The following SETDB2 variants were observed in gnomAD, a reference collection of about 807,000 sequenced individuals.
SETDB2 encodes SET domain bifurcated histone lysine methyltransferase 2.
Under a neutral mutation model 82.5 loss-of-function variants are expected in SETDB2, and 56 were observed. The ratio of observed to expected loss-of-function variants is 0.68; its 90% CI spans 0.55 to 0.85. SETDB2 has a LOEUF of 0.85. Ranked by LOEUF, SETDB2 falls within the 40% of genes least tolerant of loss-of-function variation. The pLI is 0.00. For missense variants in SETDB2, 677 were observed against 816.4 expected (o/e 0.83, Z 2.08); for synonymous variants, 272 against 284.9 (o/e 0.95, Z 0.46).
chr13:49,462,288 C>A (rs193026175), intron 4 of SETDB2, among the ~76,000 whole-genome samples: 46 of 152,350 alleles, frequency 3.0e-4, no homozygotes, highest in African/African-American at 1.1e-3. Flanking sequence ...CTTGGTCTTT[C>A]TGACAACCAG....
At chr13:49,464,771 G>A (rs112480015) in intron 4 of SETDB2, among the ~76,000 whole-genome samples, 10 of 152,172 alleles carry the variant, frequency 6.6e-5, no homozygotes, top group African/African-American at 2.4e-4. Flanking sequence ...GGTAATAAAG[G>A]TTCATGTGGG....
chr13:49,450,297 CTG>C (rs1339106446), intron 1 of SETDB2, among the ~76,000 whole-genome samples: 1 of 152,138 alleles, frequency 6.6e-6, no homozygotes, highest in Non-Finnish European at 1.5e-5. Context: ...TTTCCTTGCT[CTG>C]TGTTCTTGGT....
chr13:49,460,825 G>A (rs1957978255), intron 3 of SETDB2, among the ~76,000 whole-genome samples: 1 of 152,052 alleles, frequency 6.6e-6, no homozygotes, highest in African/African-American at 2.4e-5. Context: ...AAAAAAATTG[G>A]CACTGTTTTT....
At chr13:49,468,608 CTTCT>C (rs1958163453) in intron 5 of SETDB2, among the ~76,000 whole-genome samples, 1 of 151,126 alleles carries the variant, frequency 6.6e-6, no homozygotes, top group African/African-American at 2.4e-5. Context: ...TAGAAAGAAA[CTTCT>C]TTGTTACCCT....
rs1958723684 is a variant in SETDB2, at chr13:49,492,061, G to A, written c.*212G>A. ...CATAGGGTATCTTGTTCACTGCTGTGCTACTTTACATGAGTAGGATGGAAG... is the reference window on the plus strand; with the variant it reads ...CATAGGGTATCTTGTTCACTGCTGTACTACTTTACATGAGTAGGATGGAAG... On this transcript the variant is annotated 3_prime_UTR_variant, in exon 14 of 14. Transcript: ENST00000611815. 2 of 535,486 alleles carry A rather than the reference G, an allele frequency of 3.7e-6. No homozygotes were observed. The highest frequency in any genetic ancestry group is 6.8e-6 in the Non-Finnish European group (2 of 294,434). 33.2% of individuals were successfully genotyped at this position (535,486 alleles called of 1,614,324 possible). A position where few individuals can be genotyped will look rare whatever the true frequency, so the allele number is the denominator to read the frequency against.
At chr13:49,471,616 T>G (rs1235101570) in intron 5 of SETDB2, among the ~76,000 whole-genome samples, 1 of 151,938 alleles carries the variant, frequency 6.6e-6, no homozygotes, top group Non-Finnish European at 1.5e-5. Flanking sequence ...TTTATGGCTT[T>G]TTACATGACA....
At chr13:49,446,487 A>T (rs1957692446) in intron 1 of SETDB2, 3 of 430,508 alleles carry the variant, frequency 7.0e-6, no homozygotes, top group Non-Finnish European at 1.4e-5. Flanking sequence ...ACACCTTTTA[A>T]TACTGTTACA....
chr13:49,459,299 A>AT (rs1289739854), intron 2 of SETDB2, among the ~76,000 whole-genome samples: 4 of 152,240 alleles, frequency 2.6e-5, no homozygotes, highest in South Asian at 2.1e-4. Context: ...GGGAAAATGT[A>AT]TTTTTTGTAA....
intron 13 of SETDB2, among the ~76,000 whole-genome samples, chr13:49,491,160 T>C (rs906872310): frequency 6.6e-6 from 1 of 152,224 alleles, no homozygotes; most frequent in Non-Finnish European, 1.5e-5. Context: ...GAGGATCACT[T>C]GAGCCCAAGA....
At chr13:49,452,341 G>A (rs1343767949) in intron 2 of SETDB2, among the ~76,000 whole-genome samples, 2 of 152,086 alleles carry the variant, frequency 1.3e-5, no homozygotes, top group Non-Finnish European at 2.9e-5. Flanking sequence ...TCAAACTCCT[G>A]ACCTCATGAT....
Position 49,483,608 on chromosome 13 carries a change from AATT to A in SETDB2, c.1482+46_1482+48del. 1.6e-5 allele frequency: 8 copies of A among 490,650 alleles called. No homozygotes were observed. The South Asian group carries it at 1.9e-4, about 11-fold the overall frequency. The allele number at this position is 490,650 out of a possible 1,614,324, so 30.4% of individuals were successfully genotyped here. A position where few individuals can be genotyped will look rare whatever the true frequency, so the allele number is the denominator to read the frequency against. On this transcript the variant is annotated intron_variant, in intron 10 of 13. Coordinates refer to ENST00000611815, the MANE Select transcript of SETDB2 (RefSeq NM_001160308.3). ...GTTGGGACCCTTCTTTTCTTTTTTA[AATT>A]TTTTTTTTTTTTTTTTTTTTTTTTT...
chr13:49,468,814 A>T (rs1473312257), intron 5 of SETDB2, among the ~76,000 whole-genome samples: 2 of 152,046 alleles, frequency 1.3e-5, no homozygotes, highest in Non-Finnish European at 2.9e-5. Flanking sequence ...AAATGCTCAC[A>T]GAGAAAGCTA....
At chr13:49,485,951 A>T in intron 11 of SETDB2, 1 of 626,552 alleles carries the variant, frequency 1.6e-6, no homozygotes, top group Non-Finnish European at 2.9e-6. Context: ...TATGTTTTTA[A>T]ATAGTTGAAA....
chr13:49,486,030 TA>T (rs144145452), intron 11 of SETDB2, among the ~76,000 whole-genome samples: 4,248 of 152,232 alleles, frequency 0.028, 207 homozygotes, highest in African/African-American at 0.098. Flanking sequence ...TGTCCAGAAA[TA>T]AAGTTTTGGC....
intron 2 of SETDB2, among the ~76,000 whole-genome samples, chr13:49,455,465 C>T (rs111277511): frequency 6.6e-6 from 1 of 152,214 alleles, no homozygotes; most frequent in African/African-American, 2.4e-5. Context: ...AATATTGGCT[C>T]AGTGAATTAT....
At position 49,476,655 on chromosome 13, in the gene SETDB2, A is replaced by G; in HGVS notation, c.485A>G (p.Gln162Arg). ...CAGCTGCCAATCAAATGTCACTTCC[A>G]AAGACGACATGCAAAGACAAACTCT... ...PLQLPIKCHF[Q>R]RRHAKTNSHS... is the part of the protein sequence containing the mutation. Residue 162 changes from glutamine to arginine, a missense_variant, in exon 6 of 14, where the codon CAA becomes CGA. Physicochemically the swap from Gln to Arg is conservative, Grantham distance 43 (BLOSUM62 1). Coordinates refer to ENST00000611815, the MANE Select transcript of SETDB2 (RefSeq NM_001160308.3). 1 of 1,614,228 alleles carries G rather than the reference A, an allele frequency of 6.2e-7. No individual in the cohort carries two copies. Among genetic ancestry groups the G allele is most frequent in the Non-Finnish European group, 8.5e-7 (1 of 1,180,044 alleles).
intron 12 of SETDB2, among the ~76,000 whole-genome samples, chr13:49,489,721 G>A (rs1375806127): frequency 6.8e-6 from 1 of 146,258 alleles, no homozygotes; most frequent in Non-Finnish European, 1.5e-5. Context: ...TCAGCCTCCT[G>A]AGTAGCTGAG....
chr13:49,449,294 A>C (rs1957745795), intron 1 of SETDB2, among the ~76,000 whole-genome samples: 1 of 152,118 alleles, frequency 6.6e-6, no homozygotes, highest in African/African-American at 2.4e-5. Flanking sequence ...TCTGTTGCCC[A>C]GGCTGGAGTA....
rs968720877 is a variant in SETDB2, at chr13:49,485,618, T to C, written c.1483-12T>C. Reference sequence around the variant, plus strand: ...ACCTGGAAAGTAAAGACATCTTCCTTGTTTTTTTAAGGAATTTGTTTCCTC... The same window carrying C: ...ACCTGGAAAGTAAAGACATCTTCCTCGTTTTTTTAAGGAATTTGTTTCCTC... On this transcript the variant is annotated splice_polypyrimidine_tract_variant and intron_variant, in intron 10 of 13. Coordinates refer to ENST00000611815, the MANE Select transcript of SETDB2 (RefSeq NM_001160308.3). The C allele has an allele frequency of 6.2e-7, 1 of 1,607,552 alleles. No homozygotes were observed.
Sources: allele counts gnomAD v4.1 joint callset (sites outside exome capture counted in the v4.1 genomes callset), GRCh38; gene constraint gnomAD v4.1.1; transcripts MANE v1.5; gene names NCBI Gene and HGNC (gene_info 2026-07-23, HGNC 2026-07-21).